The following RCHY1 variants were observed in gnomAD, a reference collection of about 807,000 sequenced individuals.
RCHY1 encodes the protein ring finger and CHY zinc finger domain containing 1, also known as RING finger and CHY zinc finger domain-containing protein 1.
Under a neutral mutation model 41.6 loss-of-function variants are expected in RCHY1, and 21 were observed. The observed-to-expected ratio is 0.51, with a 90% CI of 0.36 to 0.73. The LOEUF is 0.73. Among genes scored for constraint, RCHY1 ranks in the 30% least tolerant of loss-of-function variants. The probability of loss-of-function intolerance (pLI) is 0.00; values close to 1 mark genes in which losing one functional copy is unlikely to be tolerated. For missense variants in RCHY1, 265 were observed against 325.3 expected (o/e 0.81, Z 1.43); for synonymous variants, 79 against 102.9 (o/e 0.77, Z 1.41).
chr4:75,479,861 AG>A lies in RCHY1; in HGVS notation c.*2676del, dbSNP rs1721387724. ...AACATTCCTGTAAGCATTATAAAAA[AG>A]AATAGGAAAAGAATGAAGTTGTCTG... is the stretch of plus-strand genomic sequence containing the variant. On this transcript the variant is annotated 3_prime_UTR_variant, in exon 9 of 9. Transcript: ENST00000324439. The A allele has an allele frequency of 6.6e-6, 1 of 152,216 alleles. No individual in the cohort carries two copies. Among genetic ancestry groups the A allele is most frequent in the Non-Finnish European group, 1.5e-5 (1 of 68,008 alleles). The allele number at this position is 152,216 out of a possible 1,614,324, so 9.4% of individuals were successfully genotyped here.
intron 3 of RCHY1, among the ~76,000 whole-genome samples, chr4:75,498,909 G>A (rs1264433208): frequency 6.6e-6 from 1 of 152,036 alleles, no homozygotes; most frequent in Non-Finnish European, 1.5e-5. Flanking sequence ...GATCTCAAAA[G>A]CACGCACAAC....
intron 1 of RCHY1, among the ~76,000 whole-genome samples, chr4:75,511,584 G>C (rs774954100): frequency 6.6e-6 from 1 of 152,100 alleles, no homozygotes; most frequent in Non-Finnish European, 1.5e-5. Flanking sequence ...AGAAGTGTTT[G>C]ATCAAAACTT....
At position 75,481,978 on chromosome 4, in the gene RCHY1, A is replaced by G. The variant is rs1416725187; in HGVS notation, c.*560T>C. On this transcript the variant is annotated 3_prime_UTR_variant, in exon 9 of 9. Transcript: ENST00000324439. Reference sequence around the variant, plus strand: ...ACTGCCCTAATTGAGCCAAACATAGAAAACTTTGGAAAAAACTTTCTATAA... The same window carrying G: ...ACTGCCCTAATTGAGCCAAACATAGGAAACTTTGGAAAAAACTTTCTATAA... The G allele has an allele frequency of 2.2e-5, 3 of 134,880 alleles. No homozygotes were observed. Among genetic ancestry groups the G allele is most frequent in the Non-Finnish European group, 3.1e-5 (2 of 64,308 alleles). The allele number at this position is 134,880 out of a possible 1,614,324, so 8.4% of individuals were successfully genotyped here.
chr4:75,489,192 T>C (rs1722520924), intron 8 of RCHY1, among the ~76,000 whole-genome samples: 1 of 152,230 alleles, frequency 6.6e-6, no homozygotes, highest in Non-Finnish European at 1.5e-5. Context: ...TAAAATAATT[T>C]ATGACCAATG....
chr4:75,499,412 A>ATG (rs1723526842), intron 3 of RCHY1, among the ~76,000 whole-genome samples: 1 of 152,248 alleles, frequency 6.6e-6, no homozygotes, highest in Non-Finnish European at 1.5e-5. Context: ...TGATCCAGCA[A>ATG]GTCCACTAAA....
chr4:75,509,383 C>A, intron 1 of RCHY1, 87 bp from the exon 2 acceptor site: 2 of 1,263,726 alleles, frequency 1.6e-6, no homozygotes, highest in Non-Finnish European at 2.2e-6. Context: ...TCCTCCTCCT[C>A]CTGGATGGAA....
chr4:75,504,336 C>T (rs2148762427), intron 3 of RCHY1, among the ~76,000 whole-genome samples: 1 of 152,234 alleles, frequency 6.6e-6, no homozygotes, highest in Non-Finnish European at 1.5e-5. Context: ...CTACCTCTGC[C>T]ACCCCTGAGA....
Position 75,490,564 on chromosome 4 carries a change from G to T in RCHY1, c.657+17C>A. The T allele has an allele frequency of 6.3e-7, 1 of 1,599,294 alleles. No homozygotes were observed. Among genetic ancestry groups the T allele is most frequent in the Non-Finnish European group, 8.5e-7 (1 of 1,174,098 alleles). On this transcript the variant is annotated intron_variant, in intron 8 of 8. Transcript: ENST00000324439. ...CAACAAGGAGTCTACAAAGTTTTAA[G>T]TATTGATTCTACTCACATCCACAGT...
Position 75,479,957 on chromosome 4 carries a change from A to G in RCHY1, c.*2581T>C, listed in dbSNP as rs1177552777. The stretch of plus-strand genomic sequence containing the variant: ...GAGTTTTTTACCTTCTTTCTTATAG[A>G]GGTATAACCTATACTTATGAAGTCA... On this transcript the variant is annotated 3_prime_UTR_variant, in exon 9 of 9. Transcript: ENST00000324439. 6.6e-6 allele frequency: 1 copy of G among 152,302 alleles called. No individual in the cohort carries two copies. The highest frequency in any genetic ancestry group is 2.1e-4 in the South Asian group (1 of 4,826). 9.4% of individuals were successfully genotyped at this position (152,302 alleles called of 1,614,324 possible). A position where few individuals can be genotyped will look rare whatever the true frequency, so the allele number is the denominator to read the frequency against.
At chr4:75,514,142 GC>G in intron 1 of RCHY1, 54 bp downstream of exon 1, 1 of 1,558,750 alleles carries the variant, frequency 6.4e-7, no homozygotes, top group Non-Finnish European at 8.8e-7. Flanking sequence ...TGCCCAGCCC[GC>G]CCCAGCCCAA....
chr4:75,495,879 A>C (rs1723156807), intron 3 of RCHY1, among the ~76,000 whole-genome samples: 1 of 152,046 alleles, frequency 6.6e-6, no homozygotes, highest in Non-Finnish European at 1.5e-5. Context: ...ATAAATTCAT[A>C]TGTATAAATA....
At chr4:75,508,479 G>A (rs1724550782) in intron 3 of RCHY1, among the ~76,000 whole-genome samples, 1 of 151,788 alleles carries the variant, frequency 6.6e-6, no homozygotes, top group Admixed American at 6.6e-5. Flanking sequence ...TTTTACAAAG[G>A]AAAAATTTAT....
In RCHY1 at chr4:75,490,683, T is replaced by C. The variant is rs748610521; in HGVS notation, c.555A>G (p.Leu185=). The change falls in exon 8 of 9, where the codon TTA becomes TTG. Residue 185 remains leucine, a synonymous_variant. Coordinates refer to ENST00000324439, the MANE Select transcript of RCHY1 (RefSeq NM_015436.4). The part of the protein sequence containing the change: ...EMLKEGYRCP[L]CMHSALDMTR... ...TCATATCTAAAGCAGAGTGCATACA[T>C]AATGGACATCTGTAGCCTCTGAAAG... 6.2e-7 allele frequency: 1 copy of C among 1,608,394 alleles called. No homozygotes were observed. Among genetic ancestry groups the C allele is most frequent in the Non-Finnish European group, 8.5e-7 (1 of 1,175,444 alleles).
chr4:75,501,289 G>A (rs942556297), intron 3 of RCHY1, among the ~76,000 whole-genome samples: 4 of 152,166 alleles, frequency 2.6e-5, no homozygotes, highest in East Asian at 1.9e-4. Context: ...GATTAGAGGC[G>A]TGAGCCACTG....
At chr4:75,513,567 A>G (rs1725187533) in intron 1 of RCHY1, among the ~76,000 whole-genome samples, 1 of 152,212 alleles carries the variant, frequency 6.6e-6, no homozygotes, top group Non-Finnish European at 1.5e-5. Context: ...GTTTCTTGCA[A>G]GGAAAATCAG....
chr4:75,499,857 T>C (rs892457771), intron 3 of RCHY1, among the ~76,000 whole-genome samples: 2 of 152,232 alleles, frequency 1.3e-5, no homozygotes, highest in African/African-American at 2.4e-5. Flanking sequence ...TGGTGTTTGA[T>C]AGACCAGTAG....
intron 3 of RCHY1, among the ~76,000 whole-genome samples, chr4:75,505,251 G>C (rs926311634): frequency 6.6e-6 from 1 of 152,056 alleles, no homozygotes; most frequent in Non-Finnish European, 1.5e-5. Flanking sequence ...AGTAATGGTC[G>C]ATCACCCACC....
rs1721528305 is a variant in RCHY1 at position 75,481,619 on chromosome 4, A to G, written c.*919T>C. On this transcript the variant is annotated 3_prime_UTR_variant, in exon 9 of 9. Coordinates refer to ENST00000324439, the MANE Select transcript of RCHY1 (RefSeq NM_015436.4). Reference sequence around the variant, plus strand: ...ACAATAAGACATCCACTCCTTGCATAAAGAAAAATGAGTACATTGATCAAA... The same window carrying G: ...ACAATAAGACATCCACTCCTTGCATGAAGAAAAATGAGTACATTGATCAAA... The G allele has an allele frequency of 6.6e-6, 1 of 152,182 alleles. No homozygotes were observed. The highest frequency in any genetic ancestry group is 1.5e-5 in the Non-Finnish European group (1 of 68,024). 9.4% of individuals were successfully genotyped at this position (152,182 alleles called of 1,614,324 possible). A position where few individuals can be genotyped will look rare whatever the true frequency, so the allele number is the denominator to read the frequency against.
chr4:75,514,569 A>C, upstream of RCHY1: 16 of 310,344 alleles, frequency 5.2e-5, no homozygotes, highest in East Asian at 1.0e-4. Context: ...ACCCGCCCAA[A>C]TCTCAGGGCG....
Sources: gnomAD v4.1 joint callset for allele counts (sites outside exome capture counted in the v4.1 genomes callset) on GRCh38, gnomAD v4.1.1 for gene constraint, MANE v1.5 for transcripts, NCBI Gene and HGNC (gene_info 2026-07-23, HGNC 2026-07-21) for gene names.